The following ADAM28 variants were observed in gnomAD, a reference collection of about 807,000 sequenced individuals.
ADAM28 encodes disintegrin and metalloproteinase domain-containing protein 28.
Under a neutral mutation model 101.2 loss-of-function variants are expected in ADAM28, and 105 were observed. The ratio of observed to expected loss-of-function variants is 1.04; its 90% CI spans 0.89 to 1.22. ADAM28 has a LOEUF of 1.22. Ranked by LOEUF, ADAM28 falls within the 50% of genes most tolerant of loss-of-function variation. The pLI is 0.00. For synonymous variants in ADAM28, 322 were observed against 310.6 expected (o/e 1.04, Z -0.39); for missense variants, 1,028 against 945.4 (o/e 1.09, Z -1.15).
chr8:24,342,916 T>C, intron 16 of ADAM28, 185 bp from the exon 17 acceptor site: 1 of 1,054,368 alleles, frequency 9.5e-7, no homozygotes, highest in Non-Finnish European at 1.3e-6. Flanking sequence ...TTTATCAACC[T>C]TTTTGGGTTG....
chr8:24,332,591 G>T, intron 12 of ADAM28, 69 bp from the exon 13 acceptor site: 1 of 814,536 alleles, frequency 1.2e-6, no homozygotes, highest in Non-Finnish European at 1.8e-6. Context: ...AATATAGTAT[G>T]TTACAAATTG....
intron 2 of ADAM28, among the ~76,000 whole-genome samples, chr8:24,307,526 A>G (rs754518430): frequency 6.6e-6 from 1 of 152,204 alleles, no homozygotes; most frequent in Non-Finnish European, 1.5e-5. Context: ...ATTCATAATC[A>G]TATTCACGAT....
intron 7 of ADAM28, among the ~76,000 whole-genome samples, chr8:24,320,618 G>T (rs368019170): frequency 6.6e-6 from 1 of 151,986 alleles, no homozygotes; most frequent in East Asian, 1.9e-4. Flanking sequence ...TTGTTAAGTT[G>T]TTAAATCATT....
At chr8:24,350,617 T>C (rs770656023) in intron 19 of ADAM28, among the ~76,000 whole-genome samples, 10 of 152,310 alleles carry the variant, frequency 6.6e-5, no homozygotes, top group Middle Eastern at 3.4e-3. Context: ...GGCCGTGTGC[T>C]AAGCCCTTTT....
chr8:24,323,048 G>T (rs1812088888), intron 8 of ADAM28, among the ~76,000 whole-genome samples: 1 of 151,950 alleles, frequency 6.6e-6, no homozygotes. Flanking sequence ...GCTCATAAAT[G>T]ACAGCAATTT....
At position 24,341,754 on chromosome 8, in the gene ADAM28, C is replaced by T; in HGVS notation, c.1827C>T (p.Asn609=). The change falls in exon 16 of 23, where the codon AAC becomes AAT. Residue 609 remains asparagine, a synonymous_variant. Coordinates refer to ENST00000265769, the MANE Select transcript of ADAM28 (RefSeq NM_014265.6). ...MVANGTKCGD[N]KVCINAECVD... Reference sequence around the variant, plus strand: ...CCAATGGAACTAAGTGTGGCGATAACAAGGTAAGTTGAAATTGTGGCTTTC... The same window carrying T: ...CCAATGGAACTAAGTGTGGCGATAATAAGGTAAGTTGAAATTGTGGCTTTC... 6.2e-7 allele frequency: 1 copy of T among 1,613,372 alleles called. No individual in the cohort carries two copies.
At chr8:24,301,343 C>A (rs1055093643) in intron 2 of ADAM28, among the ~76,000 whole-genome samples, 3 of 152,120 alleles carry the variant, frequency 2.0e-5, no homozygotes, top group Admixed American at 1.3e-4. Context: ...TTTAAAATGT[C>A]AGACACCTTT....
At position 24,299,995 on chromosome 8, in the gene ADAM28, C is replaced by G; in HGVS notation, c.68C>G (p.Pro23Arg). 6.2e-7 allele frequency: 1 copy of G among 1,612,854 alleles called. No homozygotes were observed. The highest frequency in any genetic ancestry group is 8.5e-7 in the Non-Finnish European group (1 of 1,179,898). The change falls in exon 2 of 23, where the codon CCT becomes CGT. Residue 23 changes from proline (P) to arginine (R), a missense_variant. Physicochemically the swap from Pro to Arg is moderately radical, Grantham distance 103. Coordinates refer to ENST00000265769, the MANE Select transcript of ADAM28 (RefSeq NM_014265.6). ...SVAVSAIKEL[P>R]GVKKYEVVYP... Reference sequence around the variant, plus strand: ...TCAGTAAGTGCTATAAAAGAACTCCCTGGGGTGAAGAAGTATGAAGTGGTT... The same window carrying G: ...TCAGTAAGTGCTATAAAAGAACTCCGTGGGGTGAAGAAGTATGAAGTGGTT...
chr8:24,341,396 G>T, intron 15 of ADAM28: 1 of 549,334 alleles, frequency 1.8e-6, no homozygotes, highest in African/African-American at 1.9e-5. Flanking sequence ...AGGGATCTAG[G>T]TAATACTGTT....
intron 1 of ADAM28, among the ~76,000 whole-genome samples, chr8:24,297,941 G>A (rs183391310): frequency 1.1e-3 from 173 of 152,208 alleles, no homozygotes; most frequent in Non-Finnish European, 1.8e-3. Flanking sequence ...GACGCCCAGC[G>A]ATTACCTCTG....
chr8:24,326,695 A>T (rs1310761456), intron 10 of ADAM28, 60 bp downstream of exon 10: 1 of 1,492,832 alleles, frequency 6.7e-7, no homozygotes, highest in African/African-American at 1.4e-5. Context: ...CTTTTTAAAA[A>T]ATCTATAGAG....
rs1307417809 is a variant in ADAM28, at chr8:24,310,223, CA to C, written c.289del (p.Thr97GlnfsTer31). 1.2e-6 allele frequency: 2 copies of C among 1,612,996 alleles called. No homozygotes were observed. The highest frequency in any genetic ancestry group is 2.7e-5 in the African/African-American group (2 of 74,848). ...ATAATTCCACTGGAAAGGAGATCAC[CA>C]CAAGCCCACAAATTATGGTATAACG... The part of the protein sequence containing the change: ...YYNSTGKEIT[T>X]SPQIMDDCYY... On this transcript the variant is annotated frameshift_variant, in exon 4 of 23. Coordinates refer to ENST00000265769, the MANE Select transcript of ADAM28 (RefSeq NM_014265.6). LOFTEE classifies it high-confidence loss of function.
chr8:24,312,757 T>C (rs183133944), intron 5 of ADAM28, among the ~76,000 whole-genome samples: 100 of 152,232 alleles, frequency 6.6e-4, no homozygotes, highest in African/African-American at 2.4e-3. Context: ...TGTCTACCCT[T>C]AGTCCAATGC....
intron 10 of ADAM28, among the ~76,000 whole-genome samples, chr8:24,326,872 T>G (rs1812689095): frequency 6.6e-6 from 1 of 151,176 alleles, no homozygotes; most frequent in African/African-American, 2.4e-5. Flanking sequence ...AAACTCTCAA[T>G]AAACTAGGTA....
At chr8:24,344,561 T>C (rs549394199) in intron 18 of ADAM28, among the ~76,000 whole-genome samples, 1 of 152,202 alleles carries the variant, frequency 6.6e-6, no homozygotes, top group African/African-American at 2.4e-5. Context: ...ATGTTTAGTC[T>C]ATATTTATTG....
At chr8:24,319,112 CT>C (rs1811541292) in intron 6 of ADAM28, among the ~76,000 whole-genome samples, 1 of 151,906 alleles carries the variant, frequency 6.6e-6, no homozygotes, top group Non-Finnish European at 1.5e-5. Flanking sequence ...AACACAAGCA[CT>C]TTTTTTCTAT....
intron 13 of ADAM28, among the ~76,000 whole-genome samples, chr8:24,333,197 G>C (rs2129312325): frequency 6.6e-6 from 1 of 152,246 alleles, no homozygotes; most frequent in Admixed American, 6.5e-5. Flanking sequence ...ATGGTCAAAA[G>C]GGACAAGTTA....
intron 18 of ADAM28, among the ~76,000 whole-genome samples, chr8:24,345,994 C>T (rs1312979894): frequency 2.0e-5 from 3 of 151,960 alleles, no homozygotes; most frequent in Non-Finnish European, 4.4e-5. Context: ...GTTCAGTGCC[C>T]TTTCAGTGCT....
At chr8:24,308,409 A>C (rs1421967966) in intron 2 of ADAM28, among the ~76,000 whole-genome samples, 1 of 152,200 alleles carries the variant, frequency 6.6e-6, no homozygotes, top group East Asian at 1.9e-4. Context: ...ACTCCACTCC[A>C]AAAGCATTTA....
Sources: allele counts gnomAD v4.1 joint callset (sites outside exome capture counted in the v4.1 genomes callset), GRCh38; gene constraint gnomAD v4.1.1; transcripts MANE v1.5; gene names NCBI Gene and HGNC (gene_info 2026-07-23, HGNC 2026-07-21).